The following ADAMTSL3 variants were observed in gnomAD, a reference collection of about 807,000 sequenced individuals.
The protein encoded by ADAMTSL3 is ADAMTS like 3.
A neutral mutation model predicts 201.7 loss-of-function variants in ADAMTSL3; 128 were observed. That is an observed-to-expected ratio of 0.63 (90% CI 0.55 to 0.73). ADAMTSL3 has a LOEUF of 0.73. Ranked by LOEUF, ADAMTSL3 falls within the 30% of genes least tolerant of loss-of-function variation. ADAMTSL3 has a pLI of 0.00. For synonymous variants in ADAMTSL3, 738 were observed against 748.4 expected (o/e 0.99, Z 0.23); for missense variants, 1,990 against 2,119.6 (o/e 0.94, Z 1.20).
At chr15:83,818,023 G>T (rs182851812) in intron 5 of ADAMTSL3, among the ~76,000 whole-genome samples, 1 of 151,948 alleles carries the variant, frequency 6.6e-6, no homozygotes, top group East Asian at 1.9e-4. Flanking sequence ...AAAAGAAAAC[G>T]CAAACGAAAA....
intron 10 of ADAMTSL3, among the ~76,000 whole-genome samples, chr15:83,887,558 T>C (rs184910657): frequency 1.3e-3 from 199 of 152,308 alleles, no homozygotes; most frequent in African/African-American, 4.7e-3. Context: ...CATCTTTGAG[T>C]CACTTATGAC....
chr15:83,883,947 C>T (rs922307529), intron 9 of ADAMTSL3, among the ~76,000 whole-genome samples: 60 of 150,550 alleles, frequency 4.0e-4, no homozygotes, highest in African/African-American at 1.5e-3. Context: ...GGCTGGAGTG[C>T]AATGGTGCGA....
At position 83,661,741 on chromosome 15, in the gene ADAMTSL3, C is replaced by A. The variant is rs894378234; in HGVS notation, c.69+5911C>A. Among the ~76,000 whole-genome samples the A allele has an allele frequency of 4.6e-5, 7 of 151,678 alleles. No homozygotes were observed. In the East Asian group the frequency reaches 1.4e-3, roughly 29 times the overall value. On this transcript the variant is annotated intron_variant, in intron 2 of 29. Coordinates refer to ENST00000286744, the MANE Select transcript of ADAMTSL3 (RefSeq NM_207517.3). ...AAATTTACGAGAAAAAAACAAACAA[C>A]CCCATCAAAAAGTGGGCAAAGGACA...
chr15:84,025,586 GT>G, intron 27 of ADAMTSL3, 150 bp downstream of exon 27: 1 of 753,314 alleles, frequency 1.3e-6, no homozygotes, highest in Non-Finnish European at 2.1e-6. Context: ...TGACCTCAAG[GT>G]TTACATTTAG....
intron 19 of ADAMTSL3, among the ~76,000 whole-genome samples, chr15:83,944,489 C>T (rs1040628042): frequency 3.3e-5 from 5 of 152,206 alleles, no homozygotes; most frequent in African/African-American, 1.2e-4. Context: ...TCACAACCTG[C>T]TCTGAGTCCT....
At chr15:83,885,010 C>A in intron 9 of ADAMTSL3, 91 bp from the exon 10 acceptor site, 1 of 798,944 alleles carries the variant, frequency 1.3e-6, no homozygotes, top group Non-Finnish European at 2.0e-6. Flanking sequence ...TGGTTGTCTA[C>A]ATACATGAAG....
chr15:83,922,022 C>T (rs368622247), intron 16 of ADAMTSL3, among the ~76,000 whole-genome samples: 4 of 152,232 alleles, frequency 2.6e-5, no homozygotes, highest in East Asian at 1.9e-4. Flanking sequence ...ATGATGCTGA[C>T]GTTTCAACAC....
intron 6 of ADAMTSL3, among the ~76,000 whole-genome samples, chr15:83,827,835 T>C (rs577328077): frequency 9.7e-4 from 148 of 151,822 alleles, no homozygotes; most frequent in African/African-American, 3.4e-3. Context: ...TGTAGATGTG[T>C]GGTATTATTT....
chr15:83,688,652 C>T (rs1263406473), intron 2 of ADAMTSL3, among the ~76,000 whole-genome samples: 1 of 151,354 alleles, frequency 6.6e-6, no homozygotes, highest in Non-Finnish European at 1.5e-5. Context: ...ACTCATTTTC[C>T]TCCTTATTTA....
At chr15:83,846,641 A>G (rs942510985) in intron 7 of ADAMTSL3, among the ~76,000 whole-genome samples, 6 of 152,216 alleles carry the variant, frequency 3.9e-5, no homozygotes, top group African/African-American at 1.4e-4. Context: ...CCCATGTTCT[A>G]ATCCTCAGGC....
At chr15:83,838,590 A>G (rs961635810) in intron 7 of ADAMTSL3, among the ~76,000 whole-genome samples, 2 of 152,236 alleles carry the variant, frequency 1.3e-5, no homozygotes, top group Admixed American at 1.3e-4. Context: ...TCAGTTAGCT[A>G]CTGAAGCCAT....
intron 10 of ADAMTSL3, among the ~76,000 whole-genome samples, chr15:83,886,875 C>T (rs1262898748): frequency 1.3e-5 from 2 of 152,196 alleles, no homozygotes; most frequent in African/African-American, 2.4e-5. Flanking sequence ...CTGGGCAGCC[C>T]AGGCCCAAGA....
chr15:83,989,897 T>G (rs2067552716), intron 22 of ADAMTSL3, among the ~76,000 whole-genome samples: 1 of 152,266 alleles, frequency 6.6e-6, no homozygotes, highest in Non-Finnish European at 1.5e-5. Flanking sequence ...CAGACAGTTC[T>G]GCTCCACTTG....
intron 27 of ADAMTSL3, among the ~76,000 whole-genome samples, chr15:84,029,327 A>G (rs1158969879): frequency 2.6e-5 from 4 of 152,178 alleles, no homozygotes; most frequent in African/African-American, 9.7e-5. Flanking sequence ...TCTCAGGTGG[A>G]GATGAGGAAC....
chr15:83,874,316 C>T lies in ADAMTSL3; in HGVS notation c.960+3357C>T, dbSNP rs1235188636. 2.1e-5 allele frequency among the ~76,000 whole-genome samples: 3 copies of T among 145,220 alleles called. 1 individual carries two copies. Among genetic ancestry groups the T allele is most frequent in the Non-Finnish European group, 4.5e-5 (3 of 66,692 alleles). On this transcript the variant is annotated intron_variant, in intron 9 of 29. Coordinates refer to ENST00000286744, the MANE Select transcript of ADAMTSL3 (RefSeq NM_207517.3). Reference sequence around the variant, plus strand: ...GGAAAGCGCCTCATAGGGATCCCACCTCCATCAGCAGCAACCCAGAGAAGC... The same window carrying T: ...GGAAAGCGCCTCATAGGGATCCCACTTCCATCAGCAGCAACCCAGAGAAGC...
chr15:83,751,657 C>T (rs1237722358), intron 3 of ADAMTSL3, among the ~76,000 whole-genome samples: 1 of 152,108 alleles, frequency 6.6e-6, no homozygotes, highest in Non-Finnish European at 1.5e-5. Flanking sequence ...GAACAGAAAA[C>T]TGTATATAGA....
At chr15:83,818,319 T>C (rs1359726879) in intron 5 of ADAMTSL3, among the ~76,000 whole-genome samples, 3 of 152,098 alleles carry the variant, frequency 2.0e-5, no homozygotes, top group Admixed American at 1.3e-4. Flanking sequence ...TACTTTATGG[T>C]GTGGTTTTTT....
intron 14 of ADAMTSL3, among the ~76,000 whole-genome samples, chr15:83,898,939 C>G (rs1390464196): frequency 6.6e-6 from 1 of 152,176 alleles, no homozygotes; most frequent in African/African-American, 2.4e-5. Context: ...CAAACATTGA[C>G]TACTTAACTC....
At chr15:84,016,285 G>T in intron 24 of ADAMTSL3, 98 bp from the exon 25 acceptor site, 1 of 849,156 alleles carries the variant, frequency 1.2e-6, no homozygotes, top group East Asian at 2.6e-5. Flanking sequence ...TTATTATAGA[G>T]GACTCATTTT....
Sources: allele counts gnomAD v4.1 joint callset (sites outside exome capture counted in the v4.1 genomes callset), GRCh38; gene constraint gnomAD v4.1.1; transcripts MANE v1.5; gene names NCBI Gene and HGNC (gene_info 2026-07-23, HGNC 2026-07-21).